The following GALNT17 variants were observed in gnomAD, a reference collection of about 807,000 sequenced individuals.
GALNT17 encodes the protein UDP-GalNAc:polypeptide N-acetylgalactosaminyltransferase-like 3.
In GALNT17, 29 loss-of-function variants were observed where a neutral mutation model predicts 63.7. The ratio of observed to expected loss-of-function variants is 0.46; its 90% CI spans 0.34 to 0.62. The LOEUF (loss-of-function observed/expected upper bound fraction) is 0.62, where lower values mean the gene tolerates loss of function less well. Among genes scored for constraint, GALNT17 ranks in the 20% least tolerant of loss-of-function variants. GALNT17 has a pLI of 0.01. For missense variants in GALNT17, 603 were observed against 799.6 expected, an observed-to-expected ratio of 0.75 and a Z score of 2.97; for synonymous variants, 305 against 318.3, an observed-to-expected ratio of 0.96 and a Z score of 0.45.
At chr7:71,186,518 T>C (rs899115789) in intron 1 of GALNT17, among the ~76,000 whole-genome samples, 8 of 152,128 alleles carry the variant, frequency 5.3e-5, no homozygotes, top group Admixed American at 4.6e-4. Flanking sequence ...AGCTGGAGAG[T>C]GTAAGAGCTT....
intron 5 of GALNT17, among the ~76,000 whole-genome samples, chr7:71,498,265 C>G (rs1788127284): frequency 2.6e-5 from 4 of 152,096 alleles, no homozygotes; most frequent in Admixed American, 2.6e-4. Flanking sequence ...CACTTGAGAT[C>G]AGGAGTTAGA....
At chr7:71,351,382 G>A (rs1318832466) in intron 2 of GALNT17, among the ~76,000 whole-genome samples, 1 of 152,050 alleles carries the variant, frequency 6.6e-6, no homozygotes, top group Non-Finnish European at 1.5e-5. Context: ...GATATACTGG[G>A]TTGATAATAT....
intron 6 of GALNT17, among the ~76,000 whole-genome samples, chr7:71,659,540 C>T (rs1790875676): frequency 6.6e-6 from 1 of 152,200 alleles, no homozygotes; most frequent in Non-Finnish European, 1.5e-5. Context: ...AGCTTCCTTA[C>T]AGCCTGACGG....
intron 1 of GALNT17, among the ~76,000 whole-genome samples, chr7:71,208,891 T>G (rs1198364744): frequency 6.6e-6 from 1 of 152,164 alleles, no homozygotes; most frequent in Non-Finnish European, 1.5e-5. Flanking sequence ...AAACAAAGAA[T>G]TGATTTATAA....
chr7:71,479,125 TTG>T (rs905870190), intron 5 of GALNT17, among the ~76,000 whole-genome samples: 14 of 152,184 alleles, frequency 9.2e-5, no homozygotes, highest in Non-Finnish European at 1.8e-4. Flanking sequence ...TAGGTGGGTT[TTG>T]GAAGAACTCA....
At chr7:71,448,040 T>C (rs1416867227) in intron 5 of GALNT17, among the ~76,000 whole-genome samples, 2 of 152,192 alleles carry the variant, frequency 1.3e-5, no homozygotes, top group African/African-American at 4.8e-5. Context: ...TTCAAATAAC[T>C]ATTTTTAGTG....
At chr7:71,651,777 T>C (rs1387732565) in intron 6 of GALNT17, among the ~76,000 whole-genome samples, 2 of 152,158 alleles carry the variant, frequency 1.3e-5, no homozygotes, top group African/African-American at 4.8e-5. Context: ...AGTAGCACCA[T>C]CATAGCTCAC....
At chr7:71,699,747 A>G (rs55882044) in intron 9 of GALNT17, among the ~76,000 whole-genome samples, 20,605 of 151,848 alleles carry the variant, frequency 0.14, 1,596 homozygotes, top group African/African-American at 0.2. Flanking sequence ...CAGCCTGGGC[A>G]AAATAGTGAG....
intron 2 of GALNT17, among the ~76,000 whole-genome samples, chr7:71,337,833 A>G (rs1210003346): frequency 6.6e-6 from 1 of 151,882 alleles, no homozygotes; most frequent in Non-Finnish European, 1.5e-5. Flanking sequence ...ACACCATTGC[A>G]CTCCAGCCTG....
chr7:71,135,407 C>T (rs568281852), intron 1 of GALNT17, among the ~76,000 whole-genome samples: 1 of 152,174 alleles, frequency 6.6e-6, no homozygotes, highest in South Asian at 2.1e-4. Flanking sequence ...CACAGACATA[C>T]ATGAACCCAC....
intron 1 of GALNT17, among the ~76,000 whole-genome samples, chr7:71,290,166 A>G (rs1323609195): frequency 6.6e-6 from 1 of 152,230 alleles, no homozygotes; most frequent in Non-Finnish European, 1.5e-5. Flanking sequence ...ATTCCAGAAC[A>G]TTATCATCAC....
intron 5 of GALNT17, among the ~76,000 whole-genome samples, chr7:71,456,946 C>G (rs1041320930): frequency 6.6e-6 from 1 of 152,046 alleles, no homozygotes; most frequent in Non-Finnish European, 1.5e-5. Flanking sequence ...CAACTCGAAG[C>G]GGGGGGTTCC....
intron 5 of GALNT17, among the ~76,000 whole-genome samples, chr7:71,558,706 T>G (rs1478113852): frequency 6.6e-6 from 1 of 152,188 alleles, no homozygotes; most frequent in Non-Finnish European, 1.5e-5. Flanking sequence ...TTCCAAGGCT[T>G]ATTTGCAAAT....
intron 5 of GALNT17, among the ~76,000 whole-genome samples, chr7:71,564,999 G>C (rs1349383468): frequency 1.3e-5 from 2 of 152,170 alleles, no homozygotes; most frequent in East Asian, 3.9e-4. Context: ...GGGCACGGTG[G>C]CTCATGCCTG....
chr7:71,459,954 G>C (rs1787423665), intron 5 of GALNT17, among the ~76,000 whole-genome samples: 1 of 152,162 alleles, frequency 6.6e-6, no homozygotes, highest in Admixed American at 6.5e-5. Flanking sequence ...TTGTCAACTA[G>C]AAAGTGTTTA....
intron 6 of GALNT17, 21 bp from the exon 7 acceptor site, chr7:71,665,390 A>C (rs772926679): frequency 5.7e-6 from 9 of 1,582,634 alleles, no homozygotes; most frequent in Non-Finnish European, 7.7e-6. Flanking sequence ...TTTCAGGCTG[A>C]TGAAATCTTT....
intron 9 of GALNT17, among the ~76,000 whole-genome samples, chr7:71,683,288 C>G (rs1425111042): frequency 1.3e-5 from 2 of 152,004 alleles, no homozygotes; most frequent in African/African-American, 4.8e-5. Flanking sequence ...CCAGGCGGTC[C>G]CTCTACTCAC....
At chr7:71,142,920 G>A (rs1451872324) in intron 1 of GALNT17, among the ~76,000 whole-genome samples, 3 of 145,126 alleles carry the variant, frequency 2.1e-5, no homozygotes, top group African/African-American at 7.8e-5. Context: ...TAGCCTGGGC[G>A]ACAGGGCGAG....
chr7:71,148,330 C>G (rs926381658), intron 1 of GALNT17, among the ~76,000 whole-genome samples: 1 of 152,124 alleles, frequency 6.6e-6, no homozygotes, highest in East Asian at 1.9e-4. Flanking sequence ...ATCTTTGTAC[C>G]AGGTAGGGAT....
Sources: gnomAD v4.1 joint callset for allele counts (sites outside exome capture counted in the v4.1 genomes callset) on GRCh38, gnomAD v4.1.1 for gene constraint, MANE v1.5 for transcripts, NCBI Gene and HGNC (gene_info 2026-07-23, HGNC 2026-07-21) for gene names.